Variants in MVB12B observed in about 807,000 individuals in gnomAD.
The protein encoded by MVB12B is ESCRT-I complex subunit MVB12B.
Under a neutral mutation model 41.6 loss-of-function variants are expected in MVB12B, and 16 were observed. The observed-to-expected ratio is 0.38, with a 90% CI of 0.26 to 0.58. The LOEUF (loss-of-function observed/expected upper bound fraction) is 0.58, where lower values mean the gene tolerates loss of function less well. Ranked by LOEUF, MVB12B falls within the 20% of genes least tolerant of loss-of-function variation. The pLI is 0.62. For synonymous variants in MVB12B, 133 were observed against 139.7 expected, an observed-to-expected ratio of 0.95 and a Z score of 0.34; for missense variants, 274 against 380.2, an observed-to-expected ratio of 0.72 and a Z score of 2.32.
chr9:126,372,802 G>A (rs1223274218), intron 2 of MVB12B, among the ~76,000 whole-genome samples: 1 of 152,182 alleles, frequency 6.6e-6, no homozygotes, highest in African/African-American at 2.4e-5. Context: ...TTGCCTGCTG[G>A]GATCATCACA....
rs780546449 is a variant in MVB12B, at chr9:126,362,126, ATCT to A, written c.205-18933_205-18931del. On this transcript the variant is annotated intron_variant, in intron 2 of 9. Coordinates refer to ENST00000361171, the MANE Select transcript of MVB12B (RefSeq NM_033446.3). ...TGTTTATTCTGCTCAAGGCTCATTG[ATCT>A]TCTTGAATTTGTGGGTTTACAGTTT... 3.3e-5 allele frequency among the ~76,000 whole-genome samples: 5 copies of A among 152,216 alleles called. No homozygotes were observed. The East Asian group carries it at 5.8e-4, about 18-fold the overall frequency.
chr9:126,450,576 T>C (rs1832870630), intron 7 of MVB12B, among the ~76,000 whole-genome samples: 2 of 152,114 alleles, frequency 1.3e-5, no homozygotes, highest in Admixed American at 1.3e-4. Context: ...GGCATAGAGA[T>C]GGAGGGGTGC....
At position 126,389,521 on chromosome 9, in the gene MVB12B, T is replaced by C. The variant is rs1320765276; in HGVS notation, c.410-2545T>C. On this transcript the variant is annotated intron_variant, in intron 4 of 9. Coordinates refer to ENST00000361171, the MANE Select transcript of MVB12B (RefSeq NM_033446.3). This position sits in a 1 kb window ranked among gnomAD's most constrained non-coding sequence, Gnocchi z 4.4. ...TATGTATAATATGTTTACTTAAAAT[T>C]AGGCCTGCTTAAGCATGTGTAATCA... Among the ~76,000 whole-genome samples the C allele has an allele frequency of 6.6e-6, 1 of 152,188 alleles. No homozygotes were observed. The highest frequency in any genetic ancestry group is 1.5e-5 in the Non-Finnish European group (1 of 68,026).
chr9:126,435,095 A>C (rs1460647646), intron 7 of MVB12B, among the ~76,000 whole-genome samples: 1 of 148,178 alleles, frequency 6.7e-6, no homozygotes, highest in Non-Finnish European at 1.5e-5. Context: ...TTTTTTTTGT[A>C]ATTTTGAATT....
chr9:126,488,552 C>T (rs10760440), intron 9 of MVB12B, among the ~76,000 whole-genome samples: 61,283 of 151,730 alleles, frequency 0.4, 13,156 homozygotes, highest in East Asian at 0.7. Context: ...CTCTGCACCA[C>T]GTGGGAGGAA....
chr9:126,369,715 G>A (rs183518268), intron 2 of MVB12B, among the ~76,000 whole-genome samples: 8 of 152,154 alleles, frequency 5.3e-5, no homozygotes, highest in East Asian at 3.9e-4. Flanking sequence ...GTGCAATAGC[G>A]CAATCTCAGC....
intron 6 of MVB12B, among the ~76,000 whole-genome samples, chr9:126,413,849 T>TGTGTGTGTGA (rs1554776184): frequency 6.7e-6 from 1 of 148,626 alleles, no homozygotes; most frequent in South Asian, 2.2e-4. Flanking sequence ...TGTGTGTGTG[T>TGTGTGTGTGA]GTGTATAAGG....
At chr9:126,463,063 C>T (rs1176131966) in intron 7 of MVB12B, among the ~76,000 whole-genome samples, 1 of 152,208 alleles carries the variant, frequency 6.6e-6, no homozygotes, top group African/African-American at 2.4e-5. Context: ...CACCTTCCGC[C>T]TCATCTCCCC....
intron 1 of MVB12B, among the ~76,000 whole-genome samples, chr9:126,329,545 G>C (rs1266269771): frequency 6.6e-6 from 1 of 152,226 alleles, no homozygotes; most frequent in Non-Finnish European, 1.5e-5. Flanking sequence ...CTTGGAAGGG[G>C]TAAGGGAGAA....
intron 9 of MVB12B, among the ~76,000 whole-genome samples, chr9:126,497,322 C>A (rs927392816): frequency 6.6e-6 from 1 of 152,172 alleles, no homozygotes; most frequent in Non-Finnish European, 1.5e-5. Context: ...CATGAACCAT[C>A]TGGGCGGGCT....
At chr9:126,492,921 G>A (rs987147634) in intron 9 of MVB12B, among the ~76,000 whole-genome samples, 3 of 152,174 alleles carry the variant, frequency 2.0e-5, no homozygotes, top group Admixed American at 2.0e-4. Flanking sequence ...GTTCTCACGC[G>A]AGCGTCTTCT....
intron 2 of MVB12B, among the ~76,000 whole-genome samples, chr9:126,356,708 C>T (rs566019599): frequency 1.8e-4 from 28 of 152,068 alleles, no homozygotes; most frequent in Admixed American, 8.5e-4. Flanking sequence ...ATCACGAGGG[C>T]GGATTTCTCA....
At chr9:126,470,000 GT>G (rs1288211458) in intron 7 of MVB12B, among the ~76,000 whole-genome samples, 2 of 152,210 alleles carry the variant, frequency 1.3e-5, no homozygotes, top group Non-Finnish European at 2.9e-5. Flanking sequence ...CTGCTATGAT[GT>G]TTAAATGAGA....
chr9:126,333,336 C>T lies in MVB12B; in HGVS notation c.81+6326C>T, dbSNP rs550961006. On this transcript the variant is annotated intron_variant, in intron 1 of 9. Transcript: ENST00000361171. The surrounding 1 kb of genome is among the most constrained non-coding windows in gnomAD (Gnocchi z 4.7). ...TCCTGACCTTGTGATCTGTCCGCCT[C>T]GGACTCCCAAGGTGCTGGGATTACA... Among the ~76,000 whole-genome samples the T allele has an allele frequency of 2.8e-4, 42 of 152,194 alleles. No individual in the cohort carries two copies. Among genetic ancestry groups the T allele is most frequent in the African/African-American group, 8.7e-4 (36 of 41,526 alleles).
intron 2 of MVB12B, among the ~76,000 whole-genome samples, chr9:126,343,355 T>A (rs1006231375): frequency 6.6e-6 from 1 of 152,230 alleles, no homozygotes; most frequent in Non-Finnish European, 1.5e-5. Context: ...GAGTAGTGAC[T>A]ATATGTCATA....
At chr9:126,421,543 C>G (rs1455570689) in intron 6 of MVB12B, among the ~76,000 whole-genome samples, 1 of 152,188 alleles carries the variant, frequency 6.6e-6, no homozygotes, top group Non-Finnish European at 1.5e-5. Context: ...GGGCAGAGAT[C>G]TGGATCAAAC....
intron 7 of MVB12B, among the ~76,000 whole-genome samples, chr9:126,472,569 G>T (rs1291219287): frequency 6.6e-6 from 1 of 151,874 alleles, no homozygotes; most frequent in African/African-American, 2.4e-5. Context: ...AAACCTTGTA[G>T]AATCTGTAAG....
At chr9:126,411,343 A>T (rs993370016) in intron 6 of MVB12B, among the ~76,000 whole-genome samples, 3 of 151,736 alleles carry the variant, frequency 2.0e-5, no homozygotes, top group African/African-American at 7.3e-5. Context: ...GGGAAGATAC[A>T]CGTTTCATTT....
intron 2 of MVB12B, among the ~76,000 whole-genome samples, chr9:126,378,867 T>C (rs1830561349): frequency 1.3e-5 from 2 of 152,160 alleles, no homozygotes; most frequent in South Asian, 4.1e-4. Flanking sequence ...CCATTACATT[T>C]TCATTTCTCA....
Sources: allele counts gnomAD v4.1 joint callset (sites outside exome capture counted in the v4.1 genomes callset), GRCh38; gene constraint gnomAD v4.1.1; non-coding constraint Gnocchi (gnomAD v3.1); transcripts MANE v1.5; gene names NCBI Gene and HGNC (gene_info 2026-07-23, HGNC 2026-07-21).